Variants in CCT6B observed in about 807,000 individuals in gnomAD.
CCT6B encodes chaperonin containing TCP1 subunit 6B.
A neutral mutation model predicts 61.5 loss-of-function variants in CCT6B; 49 were observed. That is an observed-to-expected ratio of 0.80 (90% confidence interval 0.63 to 1.01). The LOEUF (loss-of-function observed/expected upper bound fraction) is 1.01, where lower values mean the gene tolerates loss of function less well. Ranked by LOEUF, CCT6B falls within the 50% of genes least tolerant of loss-of-function variation. The pLI is 0.00. For missense variants in CCT6B, 666 were observed against 634.7 expected, an observed-to-expected ratio of 1.05 and a Z score of -0.53; for synonymous variants, 228 against 214.5, an observed-to-expected ratio of 1.06 and a Z score of -0.55.
At position 34,954,560 on chromosome 17, in the gene CCT6B, C is replaced by T. The variant is rs373897477; in HGVS notation, c.376G>A (p.Ala126Thr). 6.2e-7 allele frequency: 1 copy of T among 1,613,650 alleles called. No individual in the cohort carries two copies. Residue 126 changes from alanine to threonine, a missense_variant, in exon 4 of 14, where the codon GCA becomes ACA. Ala to Thr is a moderately conservative substitution (Grantham distance 58, BLOSUM62 0). Coordinates refer to ENST00000314144, the MANE Select transcript of CCT6B (RefSeq NM_006584.4). ...PRIIAEGFEAAKIKALEVLEE... is the reference protein window; with the variant it reads ...PRIIAEGFEATKIKALEVLEE... ...AAAACTTCAAGTGCTTTTATCTTTG[C>T]AGCTTCAAATCCTTCAGCTATTATT...
In CCT6B at chr17:34,939,772, CAGAG is replaced by C. The variant is rs1303609675; in HGVS notation, c.969-63_969-60del. The C allele has an allele frequency of 6.7e-6, 7 of 1,052,056 alleles. No individual in the cohort carries two copies. The East Asian group carries it at 1.2e-4, about 18-fold the overall frequency. 65.2% of individuals were successfully genotyped at this position (1,052,056 alleles called of 1,614,324 possible). A position where few individuals can be genotyped will look rare whatever the true frequency, so the allele number is the denominator to read the frequency against. ...ATGGAGAACATTAATACTAATTTCT[CAGAG>C]AGAAGATATCTAATGCAGAAGACTG... On this transcript the variant is annotated intron_variant, in intron 8 of 13. Transcript: ENST00000314144.
chr17:34,952,867 A>G lies in CCT6B; in HGVS notation c.511-814T>C, dbSNP rs557627704. Among the ~76,000 whole-genome samples, 46 of 152,316 alleles carry G rather than the reference A, an allele frequency of 3.0e-4. No individual in the cohort carries two copies. The South Asian group carries it at 9.1e-3, about 30-fold the overall frequency. On this transcript the variant is annotated intron_variant, in intron 4 of 13. Coordinates refer to ENST00000314144, the MANE Select transcript of CCT6B (RefSeq NM_006584.4). ...TAGAGGCAAATAAGAAATAGGACAA[A>G]GGCCATTGGATAGTGAGAATATCAC... is the stretch of plus-strand genomic sequence containing the variant.
At chr17:34,935,080 G>A (rs2090078816) in intron 10 of CCT6B, among the ~76,000 whole-genome samples, 1 of 152,162 alleles carries the variant, frequency 6.6e-6, no homozygotes, top group African/African-American at 2.4e-5. Context: ...TGGTAAAAAG[G>A]AAGGAAATTC....
At chr17:34,954,995 A>G (rs1400382423) in intron 3 of CCT6B, among the ~76,000 whole-genome samples, 2 of 152,246 alleles carry the variant, frequency 1.3e-5, no homozygotes, top group Non-Finnish European at 2.9e-5. Flanking sequence ...TAACATCACA[A>G]TAATGAGACA....
chr17:34,951,086 A>G (rs913535623), intron 5 of CCT6B, among the ~76,000 whole-genome samples: 2 of 152,224 alleles, frequency 1.3e-5, no homozygotes, highest in Admixed American at 6.5e-5. Context: ...TAACAAATTA[A>G]CAGAGACTAA....
At position 34,951,967 on chromosome 17, in the gene CCT6B, T is replaced by C. The variant is rs986058141; in HGVS notation, c.597A>G (p.Lys199=). 1.3e-6 allele frequency: 2 copies of C among 1,586,704 alleles called. No homozygotes were observed. Among genetic ancestry groups the C allele is most frequent in the African/African-American group, 2.7e-5 (2 of 74,354 alleles). Residue 199 remains lysine (K), a synonymous_variant, in exon 5 of 14, where the codon AAA becomes AAG. Coordinates refer to ENST00000314144, the MANE Select transcript of CCT6B (RefSeq NM_006584.4). ...TAATTTACTTTGTATCTGTTCCTAA[T>C]TTATGCTTCATCTCCATTATTTCTA... ...FMVEIMEMKH[K]LGTDTKLIQG...
chr17:34,937,499 A>T (rs2090108041), intron 10 of CCT6B, among the ~76,000 whole-genome samples: 1 of 152,210 alleles, frequency 6.6e-6, no homozygotes, highest in African/African-American at 2.4e-5. Flanking sequence ...AATAAGACTA[A>T]AACAATCTGA....
intron 10 of CCT6B, among the ~76,000 whole-genome samples, chr17:34,933,058 A>T (rs897861540): frequency 6.6e-6 from 1 of 152,200 alleles, no homozygotes; most frequent in Admixed American, 6.5e-5. Flanking sequence ...CTGGGATTAC[A>T]GGTGTGAGCC....
intron 6 of CCT6B, 46 bp downstream of exon 6, chr17:34,942,750 T>C (rs1451183060): frequency 3.3e-6 from 5 of 1,513,202 alleles, no homozygotes; most frequent in Non-Finnish European, 4.5e-6. Flanking sequence ...TTAAAACACC[T>C]TTAGAAAAAA....
chr17:34,955,456 G>A (rs1473929086), intron 3 of CCT6B, among the ~76,000 whole-genome samples: 1 of 152,034 alleles, frequency 6.6e-6, no homozygotes, highest in Non-Finnish European at 1.5e-5. Flanking sequence ...GTTTAGAAAA[G>A]AATAAGTACA....
intron 8 of CCT6B, 106 bp from the exon 9 acceptor site, chr17:34,939,819 A>T: frequency 1.4e-6 from 1 of 736,306 alleles, no homozygotes; most frequent in Non-Finnish European, 2.4e-6. Context: ...ACTGTATTGT[A>T]TTGTTTTGGG....
intron 1 of CCT6B, among the ~76,000 whole-genome samples, chr17:34,959,993 G>A (rs183600030): frequency 3.0e-4 from 46 of 152,300 alleles, no homozygotes; most frequent in Non-Finnish European, 5.4e-4. Context: ...CATTCATTCA[G>A]TCACTCAACT....
Position 34,940,560 on chromosome 17 carries a change from GC to G in CCT6B, c.946del (p.Ala316GlnfsTer18). 1 of 1,577,150 alleles carries G rather than the reference GC, an allele frequency of 6.3e-7. No homozygotes were observed. Among genetic ancestry groups the G allele is most frequent in the Non-Finnish European group, 8.6e-7 (1 of 1,157,734 alleles). On this transcript the variant is annotated frameshift_variant, in exon 8 of 14. Coordinates refer to ENST00000314144, the MANE Select transcript of CCT6B (RefSeq NM_006584.4). LOFTEE classifies it high-confidence loss of function. ...AKHGIVALRR[A>X]KRRNMERLSL... ...TTACCTTTCCATATTTCTTCTTTTT[GC>G]TCTGCGAAGAGCTACTATTCCATGT... is the stretch of plus-strand genomic sequence containing the variant.
chr17:34,930,630 T>A (rs954579552), intron 12 of CCT6B, among the ~76,000 whole-genome samples: 1 of 152,172 alleles, frequency 6.6e-6, no homozygotes, highest in African/African-American at 2.4e-5. Context: ...TTCCATATAA[T>A]TCATTACTTT....
intron 4 of CCT6B, 124 bp downstream of exon 4, chr17:34,954,302 T>A: frequency 1.5e-6 from 1 of 672,148 alleles, no homozygotes. Flanking sequence ...ATACAATAAT[T>A]GTCTGTCTTC....
At chr17:34,956,969 C>G (rs1057183645) in intron 3 of CCT6B, among the ~76,000 whole-genome samples, 26 of 151,036 alleles carry the variant, frequency 1.7e-4, no homozygotes, top group Admixed American at 6.6e-4. Flanking sequence ...TGCCACCAAG[C>G]CTAATTTTTT....
Position 34,954,537 on chromosome 17 carries a change from A to G in CCT6B, c.399T>C (p.Val133=). Residue 133 remains valine, a synonymous_variant, in exon 4 of 14, where the codon GTT becomes GTC. Transcript: ENST00000314144. ...FEAAKIKALE[V]LEEVKVTKEM... ...CCTTTGTCACTTTAACTTCCTCCAA[A>G]ACTTCAAGTGCTTTTATCTTTGCAG... 6.2e-7 allele frequency: 1 copy of G among 1,613,770 alleles called. No individual in the cohort carries two copies. The highest frequency in any genetic ancestry group is 8.5e-7 in the Non-Finnish European group (1 of 1,179,850).
intron 10 of CCT6B, among the ~76,000 whole-genome samples, chr17:34,933,608 GAATA>G (rs2090060581): frequency 6.6e-6 from 1 of 152,008 alleles, no homozygotes; most frequent in Admixed American, 6.6e-5. Flanking sequence ...ATGATATAAA[GAATA>G]AATGCACAAA....
rs757664588 is a variant in CCT6B at position 34,961,291 on chromosome 17, G to C, written c.103C>G (p.Arg35Gly). The change falls in exon 1 of 14, where the codon CGG becomes GGG. Residue 35 changes from arginine to glycine, a missense_variant. Transcript: ENST00000314144. ...CAARGLQDVL[R>G]TNLGPKGTMK... ...GTGCCTTTAGGACCCAAGTTGGTCCGCAGCACATCCTGCAGCCCTCGGGCG... is the reference window on the plus strand; with the variant it reads ...GTGCCTTTAGGACCCAAGTTGGTCCCCAGCACATCCTGCAGCCCTCGGGCG... 1 of 1,612,524 alleles carries C rather than the reference G, an allele frequency of 6.2e-7. No homozygotes were observed. Among genetic ancestry groups the C allele is most frequent in the Non-Finnish European group, 8.5e-7 (1 of 1,179,670 alleles).
Sources: gnomAD v4.1 joint callset for allele counts (sites outside exome capture counted in the v4.1 genomes callset) on GRCh38, gnomAD v4.1.1 for gene constraint, MANE v1.5 for transcripts, NCBI Gene and HGNC (gene_info 2026-07-23, HGNC 2026-07-21) for gene names.